SHC3: variants seen among roughly 807,000 people sequenced by gnomAD.
SHC3 encodes the protein SHC adaptor protein 3.
Under a neutral mutation model 60.4 loss-of-function variants are expected in SHC3, and 15 were observed. The ratio of observed to expected loss-of-function variants is 0.25; its 90% CI spans 0.17 to 0.38. The LOEUF (loss-of-function observed/expected upper bound fraction) is 0.38, where lower values mean the gene tolerates loss of function less well. SHC3 is among the 10% of genes least tolerant of loss of function. The pLI, the probability that SHC3 is intolerant of heterozygous loss-of-function variation, is 1.00. For synonymous variants in SHC3, 294 were observed against 325.9 expected (o/e 0.90, Z 1.05); for missense variants, 677 against 786.1 (o/e 0.86, Z 1.66).
At chr9:89,158,160 G>T (rs997107261) in intron 1 of SHC3, among the ~76,000 whole-genome samples, 1 of 151,378 alleles carries the variant, frequency 6.6e-6, no homozygotes, top group African/African-American at 2.4e-5. Context: ...TTTCCTCTTT[G>T]CACTGTTGCT....
chr9:89,158,070 T>A (rs1826651487), intron 1 of SHC3, among the ~76,000 whole-genome samples: 1 of 151,742 alleles, frequency 6.6e-6, no homozygotes, highest in Admixed American at 6.6e-5. Context: ...ACCCTTTTTT[T>A]TAGTTTCTTG....
At chr9:89,029,531 T>G (rs1344487430) in intron 11 of SHC3, among the ~76,000 whole-genome samples, 1 of 152,046 alleles carries the variant, frequency 6.6e-6, no homozygotes, top group Non-Finnish European at 1.5e-5. Flanking sequence ...AGAAAGGCAC[T>G]TAAGGAAGCA....
At chr9:89,049,130 A>ATGGTG (rs1824821676) in intron 7 of SHC3, among the ~76,000 whole-genome samples, 1 of 152,118 alleles carries the variant, frequency 6.6e-6, no homozygotes, top group Admixed American at 6.6e-5. Flanking sequence ...GCGTGGTGGC[A>ATGGTG]GGCGCCTGTA....
At chr9:89,086,500 T>C (rs947704902) in intron 2 of SHC3, among the ~76,000 whole-genome samples, 36 of 152,210 alleles carry the variant, frequency 2.4e-4, no homozygotes, top group Non-Finnish European at 5.1e-4. Flanking sequence ...TTCCATGCCC[T>C]CCCAGGATGT....
chr9:89,165,606 G>A (rs1408667762), intron 1 of SHC3, among the ~76,000 whole-genome samples: 1 of 151,986 alleles, frequency 6.6e-6, no homozygotes, highest in Admixed American at 6.6e-5. Context: ...ACCCTTTAGA[G>A]GTGGAAATGA....
At chr9:89,059,645 ATGGAGGATGGTGG>A (rs1825036809) in intron 6 of SHC3, among the ~76,000 whole-genome samples, 1 of 26,678 alleles carries the variant, frequency 3.7e-5, no homozygotes, top group Non-Finnish European at 6.9e-5. Flanking sequence ...GGAGGACGTG[ATGGAGGATGGTGG>A]TGGAGGACGT....
intron 1 of SHC3, among the ~76,000 whole-genome samples, chr9:89,162,352 G>C (rs189018254): frequency 6.6e-6 from 1 of 152,158 alleles, no homozygotes; most frequent in East Asian, 1.9e-4. Flanking sequence ...ATACTACAAG[G>C]CTACAGTAAC....
At position 89,070,916 on chromosome 9, in the gene SHC3, G is replaced by T. The variant is rs183323353; in HGVS notation, c.783+283C>A. 2.1e-3 allele frequency among the ~76,000 whole-genome samples: 319 copies of T among 152,264 alleles called. 4 individuals are homozygous for T. Among genetic ancestry groups the T allele is most frequent in the African/African-American group, 7.2e-3 (300 of 41,560 alleles). On this transcript the variant is annotated intron_variant, in intron 5 of 11. Coordinates refer to ENST00000375835, the MANE Select transcript of SHC3 (RefSeq NM_016848.6). ...GTGAGAAGCCTGTGGCAACTCTGGG[G>T]CCAGGGGGACTATTTCATCACCTGG...
At chr9:89,097,106 GAAAAAAAAAAA>G (rs10523898) in intron 2 of SHC3, among the ~76,000 whole-genome samples, 1 of 81,096 alleles carries the variant, frequency 1.2e-5, no homozygotes, top group African/African-American at 4.9e-5. Context: ...TCGCTCTCAT[GAAAAAAAAAAA>G]AAAAAAAAAA....
chr9:89,164,745 A>C (rs1046096320), intron 1 of SHC3, among the ~76,000 whole-genome samples: 4 of 152,210 alleles, frequency 2.6e-5, no homozygotes, highest in Admixed American at 2.6e-4. Context: ...CAACCATTTC[A>C]GATTTCTAAA....
chr9:89,112,713 C>A, intron 1 of SHC3, 87 bp from the exon 2 acceptor site: 2 of 1,138,248 alleles, frequency 1.8e-6, no homozygotes, highest in East Asian at 2.8e-5. Flanking sequence ...TTTTGGGAGC[C>A]ATACACATTT....
chr9:89,033,935 G>A (rs749358073), intron 11 of SHC3, among the ~76,000 whole-genome samples: 3 of 152,090 alleles, frequency 2.0e-5, no homozygotes, highest in African/African-American at 7.2e-5. Context: ...AAAACCATAT[G>A]AGCATATACA....
intron 10 of SHC3, 102 bp downstream of exon 10, chr9:89,041,924 C>T (rs1367347731): frequency 1.6e-5 from 23 of 1,450,876 alleles, no homozygotes; most frequent in Middle Eastern, 1.7e-4. Flanking sequence ...TTAACCAAAA[C>T]CCTACTATCA....
Position 89,112,614 on chromosome 9 carries a change from T to G in SHC3, c.487A>C (p.Ile163Leu), listed in dbSNP as rs1825966146. 1.9e-6 allele frequency: 3 copies of G among 1,594,756 alleles called. No homozygotes were observed. The highest frequency in any genetic ancestry group is 2.6e-6 in the Non-Finnish European group (3 of 1,172,268). The change falls in exon 2 of 12, where the codon ATT (isoleucine) becomes CTT (leucine). Residue 163 changes from isoleucine to leucine, a missense_variant. Transcript: ENST00000375835. Reference protein sequence around the residue: ...VTYVVKYLGCIEVLRSMRSLD... With the variant: ...VTYVVKYLGCLEVLRSMRSLD... ...GACCTCATTGAGCGCAGAACTTCAATGCACCCCAAGTACTGCAAGGGGAAA... is the reference window on the plus strand; with the variant it reads ...GACCTCATTGAGCGCAGAACTTCAAGGCACCCCAAGTACTGCAAGGGGAAA...
Position 89,006,761 on chromosome 9 carries a change from A to G in SHC3, c.*6686T>C, listed in dbSNP as rs1443802533. 6.6e-6 allele frequency: 1 copy of G among 152,282 alleles called. No individual in the cohort carries two copies. Among genetic ancestry groups the G allele is most frequent in the Non-Finnish European group, 1.5e-5 (1 of 68,046 alleles). 9.4% of individuals were successfully genotyped at this position (152,282 alleles called of 1,614,324 possible). A position where few individuals can be genotyped will look rare whatever the true frequency, so the allele number is the denominator to read the frequency against. On this transcript the variant is annotated 3_prime_UTR_variant, in exon 12 of 12. Transcript: ENST00000375835. ...TTTACAATATTCTGGAACAAGTTATATTCAAAAGTCAAATGAACAGAGAAC... is the reference window on the plus strand; with the variant it reads ...TTTACAATATTCTGGAACAAGTTATGTTCAAAAGTCAAATGAACAGAGAAC...
chr9:89,013,669 C>G, intron 11 of SHC3, 94 bp from the exon 12 acceptor site: 1 of 1,489,958 alleles, frequency 6.7e-7, no homozygotes, highest in Non-Finnish European at 9.0e-7. Context: ...TCTGAACTGG[C>G]CCAGAAGGAA....
chr9:89,169,184 C>T (rs1482923168), intron 1 of SHC3, among the ~76,000 whole-genome samples: 1 of 152,180 alleles, frequency 6.6e-6, no homozygotes, highest in Non-Finnish European at 1.5e-5. Flanking sequence ...TTCCAGAAGG[C>T]TCCTCTGATG....
In SHC3 at chr9:89,007,312, C is replaced by G. The variant is rs1825954277; in HGVS notation, c.*6135G>C. 1 of 152,304 alleles carries G rather than the reference C, an allele frequency of 6.6e-6. No homozygotes were observed. The highest frequency in any genetic ancestry group is 1.5e-5 in the Non-Finnish European group (1 of 68,104). The allele number at this position is 152,304 out of a possible 1,614,324, so 9.4% of individuals were successfully genotyped here. Reference sequence around the variant, plus strand: ...GCCTGCAGTGCGAAGCCTCCAGAGTCCCCAGACTGACCTGGGCACTCCACC... The same window carrying G: ...GCCTGCAGTGCGAAGCCTCCAGAGTGCCCAGACTGACCTGGGCACTCCACC... On this transcript the variant is annotated 3_prime_UTR_variant, in exon 12 of 12. Coordinates refer to ENST00000375835, the MANE Select transcript of SHC3 (RefSeq NM_016848.6).
chr9:89,174,394 T>G (rs545104159), intron 1 of SHC3, among the ~76,000 whole-genome samples: 83 of 152,194 alleles, frequency 5.5e-4, no homozygotes, highest in Non-Finnish European at 6.3e-4. Flanking sequence ...GATCGTTAAA[T>G]CTCCTATAAA....
Sources: gnomAD v4.1 joint callset for allele counts (sites outside exome capture counted in the v4.1 genomes callset) on GRCh38, gnomAD v4.1.1 for gene constraint, MANE v1.5 for transcripts, NCBI Gene and HGNC (gene_info 2026-07-23, HGNC 2026-07-21) for gene names.